SPOCK3: variants seen among roughly 807,000 people sequenced by gnomAD.
SPOCK3 encodes the protein testican-3.
Under a neutral mutation model 56.6 loss-of-function variants are expected in SPOCK3, and 30 were observed. The ratio of observed to expected loss-of-function variants is 0.53; its 90% CI spans 0.40 to 0.72. SPOCK3 has a LOEUF of 0.72. SPOCK3 is among the 30% of genes least tolerant of loss of function. The pLI, the probability that SPOCK3 is intolerant of heterozygous loss-of-function variation, is 0.00. For missense variants in SPOCK3, 527 were observed against 530.0 expected, an observed-to-expected ratio of 0.99 and a Z score of 0.06; for synonymous variants, 196 against 183.3, an observed-to-expected ratio of 1.07 and a Z score of -0.56.
At chr4:167,165,214 A>G (rs1765653726) in intron 2 of SPOCK3, among the ~76,000 whole-genome samples, 2 of 152,186 alleles carry the variant, frequency 1.3e-5, no homozygotes, top group Admixed American at 6.5e-5. Flanking sequence ...GACAAATGGG[A>G]TCTAATTAAA....
chr4:166,799,288 G>A (rs1560870556), intron 6 of SPOCK3, among the ~76,000 whole-genome samples: 2 of 152,168 alleles, frequency 1.3e-5, no homozygotes, highest in Admixed American at 6.5e-5. Context: ...TGTTGATAAT[G>A]CTCCTGCACA....
Position 166,792,135 on chromosome 4 carries a change from G to T in SPOCK3, c.709+35C>A, listed in dbSNP as rs755804888. 2.1e-5 allele frequency: 34 copies of T among 1,612,108 alleles called. 1 individual carries two copies. Among genetic ancestry groups the T allele is most frequent in the Admixed American group, 8.3e-5 (5 of 59,934 alleles). On this transcript the variant is annotated intron_variant, in intron 7 of 10. Transcript: ENST00000357545. ...TCATTGGAAATAAAACTTCATAACAGATACAGTAGCAATGATCAAATTTAG... is the reference window on the plus strand; with the variant it reads ...TCATTGGAAATAAAACTTCATAACATATACAGTAGCAATGATCAAATTTAG...
intron 2 of SPOCK3, among the ~76,000 whole-genome samples, chr4:167,116,690 CATATA>C (rs1761413085): frequency 3.5e-5 from 3 of 84,918 alleles, no homozygotes; most frequent in Admixed American, 2.9e-4. Context: ...TATATACACA[CATATA>C]GTATATATAC....
chr4:166,804,134 A>G (rs1365718087), intron 6 of SPOCK3, among the ~76,000 whole-genome samples: 2 of 152,120 alleles, frequency 1.3e-5, no homozygotes, highest in African/African-American at 4.8e-5. Flanking sequence ...GAGTAGTAGT[A>G]AGGTTTCTTA....
chr4:167,049,852 G>T (rs1434108467), intron 3 of SPOCK3, among the ~76,000 whole-genome samples: 2 of 152,046 alleles, frequency 1.3e-5, no homozygotes, highest in African/African-American at 4.8e-5. Context: ...GTGTTCACCT[G>T]TGCCATTCCC....
At chr4:167,100,854 G>C (rs189235567) in intron 2 of SPOCK3, among the ~76,000 whole-genome samples, 63 of 152,172 alleles carry the variant, frequency 4.1e-4, no homozygotes, top group Non-Finnish European at 1.9e-4. Flanking sequence ...CTGTGAAATA[G>C]AGAGTGTTAT....
chr4:167,231,023 A>C (rs1561350297), intron 2 of SPOCK3, among the ~76,000 whole-genome samples: 2 of 152,108 alleles, frequency 1.3e-5, no homozygotes, highest in Non-Finnish European at 2.9e-5. Flanking sequence ...AATCAAGAAA[A>C]TGAGCCTCAA....
At chr4:167,225,034 G>A (rs938554339) in intron 2 of SPOCK3, among the ~76,000 whole-genome samples, 1 of 152,114 alleles carries the variant, frequency 6.6e-6, no homozygotes, top group African/African-American at 2.4e-5. Flanking sequence ...AAACAGTTAT[G>A]AAAACAGAAT....
intron 4 of SPOCK3, among the ~76,000 whole-genome samples, chr4:166,989,531 T>A (rs1033374962): frequency 2.6e-5 from 4 of 152,080 alleles, no homozygotes; most frequent in Non-Finnish European, 5.9e-5. Flanking sequence ...TCTGTAAGAG[T>A]AAATAAGTGT....
chr4:166,851,132 G>A lies in SPOCK3; in HGVS notation c.589+37998C>T, dbSNP rs555494210. Among the ~76,000 whole-genome samples, 142 of 152,322 alleles carry A rather than the reference G, an allele frequency of 9.3e-4. 1 individual carries two copies. Among genetic ancestry groups the A allele is most frequent in the African/African-American group, 3.2e-3 (133 of 41,568 alleles). ...GCAGCTGGAGATCTGAGAACTGGCAGACTGCCTCCTCAAGTGGGTCCCTAA... is the reference window on the plus strand; with the variant it reads ...GCAGCTGGAGATCTGAGAACTGGCAAACTGCCTCCTCAAGTGGGTCCCTAA... On this transcript the variant is annotated intron_variant, in intron 6 of 10. Coordinates refer to ENST00000357545, the MANE Select transcript of SPOCK3 (RefSeq NM_001040159.2).
At chr4:167,101,061 T>G (rs1759596020) in intron 2 of SPOCK3, among the ~76,000 whole-genome samples, 1 of 152,130 alleles carries the variant, frequency 6.6e-6, no homozygotes. Flanking sequence ...ACATTCTCAT[T>G]AATATTTTTC....
chr4:167,020,594 C>T (rs968216989), intron 3 of SPOCK3, among the ~76,000 whole-genome samples: 6 of 151,982 alleles, frequency 3.9e-5, no homozygotes, highest in Admixed American at 2.6e-4. Flanking sequence ...TGTTCTTCCA[C>T]CTTCTGCCAT....
At chr4:167,107,359 A>C (rs1303745592) in intron 2 of SPOCK3, among the ~76,000 whole-genome samples, 1 of 151,858 alleles carries the variant, frequency 6.6e-6, no homozygotes, top group Non-Finnish European at 1.5e-5. Flanking sequence ...TACACAAATC[A>C]ATCAATGTGT....
At position 167,234,124 on chromosome 4, in the gene SPOCK3, C is replaced by T; in HGVS notation, c.50G>A (p.Ser17Asn). 1 of 1,613,956 alleles carries T rather than the reference C, an allele frequency of 6.2e-7. No homozygotes were observed. The highest frequency in any genetic ancestry group is 1.1e-5 in the South Asian group (1 of 91,072). Residue 17 changes from serine (S) to asparagine (N), a missense_variant, in exon 2 of 11, where the codon AGT becomes AAT. By Grantham distance (46) the Ser-to-Asn change is conservative (BLOSUM62 1). Transcript: ENST00000357545. Reference sequence around the variant, plus strand: ...CGCCGCGGCAGCTGCGAGAGACTGACTGCACCAAGCGGCTGCACACACACA... The same window carrying T: ...CGCCGCGGCAGCTGCGAGAGACTGATTGCACCAAGCGGCTGCACACACACA... Reference protein sequence around the residue: ...VLCVCAAAWCSQSLAAAAAVA... With the variant: ...VLCVCAAAWCNQSLAAAAAVA...
chr4:167,167,286 G>A (rs926378730), intron 2 of SPOCK3, among the ~76,000 whole-genome samples: 1 of 152,158 alleles, frequency 6.6e-6, no homozygotes, highest in African/African-American at 2.4e-5. Flanking sequence ...GATGTAAGGA[G>A]TGTAATTCCT....
intron 5 of SPOCK3, among the ~76,000 whole-genome samples, chr4:166,908,070 A>T (rs983470952): frequency 3.3e-5 from 5 of 152,188 alleles, no homozygotes; most frequent in Admixed American, 6.6e-5. Context: ...ATTAGGTGTC[A>T]GAAATTATCT....
At chr4:166,750,759 A>C (rs1010732649) in intron 8 of SPOCK3, among the ~76,000 whole-genome samples, 1 of 152,222 alleles carries the variant, frequency 6.6e-6, no homozygotes, top group Admixed American at 6.5e-5. Flanking sequence ...GGGATAAATA[A>C]ATTTAAAATA....
At chr4:167,216,805 G>A (rs1413112554) in intron 2 of SPOCK3, among the ~76,000 whole-genome samples, 2 of 152,116 alleles carry the variant, frequency 1.3e-5, no homozygotes, top group East Asian at 3.9e-4. Context: ...AGTAACCATA[G>A]ATATCCTCAA....
At chr4:166,920,888 C>T (rs1561010888) in intron 4 of SPOCK3, among the ~76,000 whole-genome samples, 1 of 152,124 alleles carries the variant, frequency 6.6e-6, no homozygotes, top group Admixed American at 6.6e-5. Flanking sequence ...AAAGCTTCAG[C>T]AGAGCCATTT....
Sources: allele counts gnomAD v4.1 joint callset (sites outside exome capture counted in the v4.1 genomes callset), GRCh38; gene constraint gnomAD v4.1.1; transcripts MANE v1.5; gene names NCBI Gene and HGNC (gene_info 2026-07-23, HGNC 2026-07-21).